The following PSMD13 variants were observed in gnomAD, a reference collection of about 807,000 sequenced individuals.
PSMD13 encodes 26S proteasome non-ATPase regulatory subunit 13.
A neutral mutation model predicts 57.4 loss-of-function variants in PSMD13; 8 were observed. The ratio of observed to expected loss-of-function variants is 0.14; its 90% CI spans 0.08 to 0.25. The LOEUF (loss-of-function observed/expected upper bound fraction) is 0.25. PSMD13 is among the 10% of genes least tolerant of loss of function. The probability of loss-of-function intolerance (pLI) is 1.00; values close to 1 mark genes in which losing one functional copy is unlikely to be tolerated. For missense variants in PSMD13, 400 were observed against 461.5 expected (o/e 0.87, Z 1.22); for synonymous variants, 193 against 168.2 (o/e 1.15, Z -1.14).
Position 252,717 on chromosome 11 carries a change from C to G in PSMD13, c.*117C>G. On this transcript the variant is annotated 3_prime_UTR_variant, in exon 13 of 13. Transcript: ENST00000532097. The surrounding 1 kb of genome is among the most constrained non-coding windows in gnomAD (Gnocchi z 4.1). ...ATTTGGGTGGGGGTTGGGATCCTGT[C>G]TGAAGTACAGACTGTTCTTGCTCTA... 2.2e-6 allele frequency: 2 copies of G among 905,388 alleles called. No homozygotes were observed. Among genetic ancestry groups the G allele is most frequent in the Admixed American group, 2.1e-5 (1 of 48,706 alleles). 56.1% of individuals were successfully genotyped at this position (905,388 alleles called of 1,614,324 possible).
At chr11:242,570 A>G (rs1367411361) in intron 2 of PSMD13, among the ~76,000 whole-genome samples, 1 of 44,098 alleles carries the variant, frequency 2.3e-5, no homozygotes, top group Non-Finnish European at 3.8e-5. Flanking sequence ...TTGAATGTCA[A>G]AAAAAATCTT....
intron 4 of PSMD13, 65 bp from the exon 5 acceptor site, chr11:244,361 A>G: frequency 1.3e-6 from 2 of 1,582,480 alleles, no homozygotes; most frequent in Admixed American, 1.7e-5. Context: ...TACCCTACCT[A>G]AGGGTGTCTT....
intron 2 of PSMD13, 105 bp downstream of exon 2, chr11:239,181 C>A: frequency 2.6e-6 from 3 of 1,137,726 alleles, no homozygotes; most frequent in Non-Finnish European, 2.7e-6. Context: ...CAATATTCAG[C>A]AGTCACTTTA....
At chr11:237,724 A>G (rs935452600) in intron 1 of PSMD13, among the ~76,000 whole-genome samples, 2 of 152,148 alleles carry the variant, frequency 1.3e-5, no homozygotes, top group African/African-American at 4.8e-5. Context: ...CTTCCATTGT[A>G]TTTCTCATGG....
chr11:252,841 C>A lies in PSMD13; in HGVS notation c.*241C>A, dbSNP rs3817635. 6.4e-6 allele frequency: 3 copies of A among 469,350 alleles called. No homozygotes were observed. The highest frequency in any genetic ancestry group is 5.8e-5 in the South Asian group (2 of 34,330). 29.1% of individuals were successfully genotyped at this position (469,350 alleles called of 1,614,324 possible). ...GGGGGTCTCAGGGTCTTAGGTGATACGGGAGAGAAAGAACGTGCCAGGCAG... is the reference window on the plus strand; with the variant it reads ...GGGGGTCTCAGGGTCTTAGGTGATAAGGGAGAGAAAGAACGTGCCAGGCAG... On this transcript the variant is annotated 3_prime_UTR_variant, in exon 13 of 13. Coordinates refer to ENST00000532097, the MANE Select transcript of PSMD13 (RefSeq NM_002817.4). This position sits in a 1 kb window ranked among gnomAD's most constrained non-coding sequence, Gnocchi z 4.1.
intron 6 of PSMD13, among the ~76,000 whole-genome samples, chr11:245,557 A>G (rs758126917): frequency 3.3e-5 from 5 of 151,752 alleles, no homozygotes; most frequent in Admixed American, 1.3e-4. Context: ...ATGTTCAATT[A>G]TGTTTTGGTG....
Position 244,775 on chromosome 11 carries a change from A to C in PSMD13, c.396+14A>C. The stretch of plus-strand genomic sequence containing the variant: ...CAGGTTACAAAGGTGAGATCACCAT[A>C]ATACAGATTTATCTTTGGTTTAAAA... On this transcript the variant is annotated intron_variant, in intron 6 of 12. Coordinates refer to ENST00000532097, the MANE Select transcript of PSMD13 (RefSeq NM_002817.4). 6.5e-7 allele frequency: 1 copy of C among 1,550,226 alleles called. No individual in the cohort carries two copies. The highest frequency in any genetic ancestry group is 8.8e-7 in the Non-Finnish European group (1 of 1,136,646).
At chr11:248,505 TC>T (rs1859701887) in intron 7 of PSMD13, 1 of 464,684 alleles carries the variant, frequency 2.2e-6, no homozygotes, top group Non-Finnish European at 3.9e-6. Context: ...TTAAGGCACT[TC>T]CTGGAAGTGG....
intron 2 of PSMD13, among the ~76,000 whole-genome samples, chr11:241,913 GTC>G (rs1446537559): frequency 6.6e-6 from 1 of 151,480 alleles, no homozygotes; most frequent in African/African-American, 2.4e-5. Flanking sequence ...GTGCTTCCTA[GTC>G]TGTGTCCCTC....
At position 248,829 on chromosome 11, in the gene PSMD13, G is replaced by A. The variant is rs368844853; in HGVS notation, c.622G>A (p.Glu208Lys). 1.2e-4 allele frequency: 194 copies of A among 1,614,156 alleles called. No homozygotes were observed. Among genetic ancestry groups the A allele is most frequent in the Middle Eastern group, 1.7e-4 (1 of 6,060 alleles). The part of the protein sequence containing the change: ...FTLGLAGLLG[E>K]GVFNFGELLM... The stretch of plus-strand genomic sequence containing the variant: ...GCTGGGGCTAGCAGGACTTCTCGGC[G>A]AGGGAGTTTTTAACTTTGGAGAACT... Residue 208 changes from glutamate to lysine, a missense_variant, in exon 8 of 13, where the codon GAG (glutamate) becomes AAG (lysine). Transcript: ENST00000532097.
intron 6 of PSMD13, 91 bp downstream of exon 6, chr11:244,852 A>G (rs1240625257): frequency 9.8e-7 from 1 of 1,017,380 alleles, no homozygotes; most frequent in Non-Finnish European, 1.4e-6. Context: ...TTTACTGTTT[A>G]TTTTAAAACA....
rs1037938309 is a variant in PSMD13 at position 248,872 on chromosome 11, C to A, written c.648+17C>A. ...GGAGAACTCGTAAGTTGACCCTGAG[C>A]TCAGCTTCCTTAACGAGAGAGACTA... is the stretch of plus-strand genomic sequence containing the variant. On this transcript the variant is annotated intron_variant, in intron 8 of 12. Coordinates refer to ENST00000532097, the MANE Select transcript of PSMD13 (RefSeq NM_002817.4). 1 of 1,614,036 alleles carries A rather than the reference C, an allele frequency of 6.2e-7. No individual in the cohort carries two copies. The highest frequency in any genetic ancestry group is 1.3e-5 in the African/African-American group (1 of 74,910).
Position 248,949 on chromosome 11 carries a change from G to A in PSMD13, c.666G>A (p.Leu222=), listed in dbSNP as rs1859711835. The A allele has an allele frequency of 1.2e-6, 2 of 1,614,156 alleles. No individual in the cohort carries two copies. The highest frequency in any genetic ancestry group is 1.7e-6 in the Non-Finnish European group (2 of 1,180,016). ...NFGELLMHPV[L]ESLRNTDRQW... The stretch of plus-strand genomic sequence containing the variant: ...CCTCACAGCTCATGCACCCTGTGCT[G>A]GAGTCCCTGAGGAATACTGACCGGC... Residue 222 remains leucine (L), a synonymous_variant, in exon 9 of 13, where the codon CTG becomes CTA. Transcript: ENST00000532097.
intron 1 of PSMD13, among the ~76,000 whole-genome samples, chr11:238,693 T>C (rs766560428): frequency 3.3e-5 from 5 of 152,158 alleles, no homozygotes; most frequent in Admixed American, 1.3e-4. Flanking sequence ...AAGAAATGCA[T>C]TGGGGCAAAA....
Position 237,062 on chromosome 11 carries a change from C to G in PSMD13, c.13C>G (p.Pro5Ala). 3 of 1,613,832 alleles carry G rather than the reference C, an allele frequency of 1.9e-6. No homozygotes were observed. The highest frequency in any genetic ancestry group is 2.5e-6 in the Non-Finnish European group (3 of 1,179,770). ...TCTTCCTGCTGTCATGAAGGACGTACCGGGCTTCCTACAGCAGAGCCAGAA... is the reference window on the plus strand; with the variant it reads ...TCTTCCTGCTGTCATGAAGGACGTAGCGGGCTTCCTACAGCAGAGCCAGAA... MKDV[P>A]GFLQQSQNSG... is the part of the protein sequence containing the mutation. Residue 5 changes from proline to alanine, a missense_variant, in exon 1 of 13, where the codon CCG becomes GCG. By Grantham distance (27) the Pro-to-Ala change is conservative (BLOSUM62 -1). Coordinates refer to ENST00000532097, the MANE Select transcript of PSMD13 (RefSeq NM_002817.4).
chr11:251,802 G>A lies in PSMD13; in HGVS notation c.919-18G>A, dbSNP rs762045655. 9 of 1,610,198 alleles carry A rather than the reference G, an allele frequency of 5.6e-6. No individual in the cohort carries two copies. The highest frequency in any genetic ancestry group is 2.2e-5 in the South Asian group (2 of 90,874). Reference sequence around the variant, plus strand: ...TGTCAGGCTATCTTGTCTTACACACGCCTCCCTCTCTGCACAGGTGGAGCT... The same window carrying A: ...TGTCAGGCTATCTTGTCTTACACACACCTCCCTCTCTGCACAGGTGGAGCT... On this transcript the variant is annotated intron_variant, in intron 11 of 12. Transcript: ENST00000532097. This position sits in a 1 kb window ranked among gnomAD's most constrained non-coding sequence, Gnocchi z 4.6.
rs1299971409 is a variant in PSMD13, at chr11:252,582, C to T, written c.1113C>T (p.Ala371=). 2 of 1,614,146 alleles carry T rather than the reference C, an allele frequency of 1.2e-6. No individual in the cohort carries two copies. Among genetic ancestry groups the T allele is most frequent in the Non-Finnish European group, 1.7e-6 (2 of 1,180,020 alleles). ...KSMEMLVEHQ[A]HDILT ...TGGAGATGCTGGTGGAGCACCAGGC[C>T]CATGACATCCTCACCTAGGGCCCCC... is the stretch of plus-strand genomic sequence containing the variant. The change falls in exon 13 of 13, where the codon GCC becomes GCT. Residue 371 remains alanine (A), a synonymous_variant. Coordinates refer to ENST00000532097, the MANE Select transcript of PSMD13 (RefSeq NM_002817.4). This position sits in a 1 kb window ranked among gnomAD's most constrained non-coding sequence, Gnocchi z 4.1.
At position 249,014 on chromosome 11, in the gene PSMD13, A is replaced by C; in HGVS notation, c.731A>C (p.Asn244Thr). 1 of 1,613,964 alleles carries C rather than the reference A, an allele frequency of 6.2e-7. No homozygotes were observed. Among genetic ancestry groups the C allele is most frequent in the Non-Finnish European group, 8.5e-7 (1 of 1,180,034 alleles). The change falls in exon 9 of 13, where the codon AAC becomes ACC. Residue 244 changes from asparagine to threonine, a missense_variant. Asn to Thr is a moderately conservative substitution (Grantham distance 65). Transcript: ENST00000532097. ...IDTLYAFNSG[N>T]VERFQTLKTA... ...ACCCTCTATGCCTTCAACAGTGGCAACGTAGAGCGGTTCCAGACTCTGAAG... is the reference window on the plus strand; with the variant it reads ...ACCCTCTATGCCTTCAACAGTGGCACCGTAGAGCGGTTCCAGACTCTGAAG...
chr11:252,318 C>T lies in PSMD13; in HGVS notation c.1036-187C>T, dbSNP rs6598055. ...TTTCTTTCATGCAAGTTTTTTCTAA[C>T]GTTCCTGTGAAAAGAATTAACCCGG... On this transcript the variant is annotated intron_variant, in intron 12 of 12. Coordinates refer to ENST00000532097, the MANE Select transcript of PSMD13 (RefSeq NM_002817.4). This position sits in a 1 kb window ranked among gnomAD's most constrained non-coding sequence, Gnocchi z 4.1. The T allele has an allele frequency of 0.43, 245,813 of 577,074 alleles. 53,799 individuals carry two copies. Among genetic ancestry groups the T allele is most frequent in the South Asian group, 0.53 (24,901 of 46,760 alleles). The allele number at this position is 577,074 out of a possible 1,614,324, so 35.7% of individuals were successfully genotyped here. A position where few individuals can be genotyped will look rare whatever the true frequency, so the allele number is the denominator to read the frequency against.
Sources: gnomAD v4.1 joint callset for allele counts (sites outside exome capture counted in the v4.1 genomes callset) on GRCh38, gnomAD v4.1.1 for gene constraint, Gnocchi (gnomAD v3.1) non-coding constraint, MANE v1.5 for transcripts, NCBI Gene and HGNC (gene_info 2026-07-23, HGNC 2026-07-21) for gene names.